XRRA1: variants seen among roughly 807,000 people sequenced by gnomAD.
The protein encoded by XRRA1 is X-ray radiation resistance associated 1.
In XRRA1, 69 loss-of-function variants were observed where a neutral mutation model predicts 80.2. The ratio of observed to expected loss-of-function variants is 0.86; its 90% confidence interval spans 0.71 to 1.05. The LOEUF (loss-of-function observed/expected upper bound fraction) is 1.05, where lower values mean the gene tolerates loss of function less well. XRRA1 is among the 50% of genes least tolerant of loss of function. XRRA1 has a pLI of 0.00. For synonymous variants in XRRA1, 348 were observed against 389.9 expected, an observed-to-expected ratio of 0.89 and a Z score of 1.27; for missense variants, 967 against 976.4, an observed-to-expected ratio of 0.99 and a Z score of 0.13.
chr11:74,859,271 ATATCTTG>A lies in XRRA1; in HGVS notation c.1050_1056del (p.Lys351ValfsTer12), dbSNP rs1474717823. On this transcript the variant is annotated frameshift_variant, in exon 12 of 19. Coordinates refer to ENST00000684022, the MANE Select transcript of XRRA1 (RefSeq NM_001378157.1). LOFTEE classifies it high-confidence loss of function. Reference sequence around the variant, plus strand: ...ATCTCGAATATGGGAGGAAGTGAACATATCTTGGTTGTCTTAGAAAGAAGGAAAAGTC... The same window carrying A: ...ATCTCGAATATGGGAGGAAGTGAACAGTTGTCTTAGAAAGAAGGAAAAGTC... 1 of 1,606,010 alleles carries A rather than the reference ATATCTTG, an allele frequency of 6.2e-7. No individual in the cohort carries two copies. Among genetic ancestry groups the A allele is most frequent in the East Asian group, 2.2e-5 (1 of 44,708 alleles).
In XRRA1 at chr11:74,930,051, G is replaced by GA. The variant is rs536610996; in HGVS notation, c.424+248dup. ...CCTGCAAGGTATCCTGCAAGGGGAG[G>GA]AAAAAAAGAAGGGAATTATCTCCAT... is the stretch of plus-strand genomic sequence containing the variant. On this transcript the variant is annotated intron_variant, in intron 6 of 18. Transcript: ENST00000684022. Among the ~76,000 whole-genome samples the GA allele has an allele frequency of 1.4e-4, 21 of 151,866 alleles. No individual in the cohort carries two copies. In the East Asian group the frequency reaches 2.9e-3, roughly 21 times the overall value.
rs574790300 is a variant in XRRA1, at chr11:74,868,858, T to C, written c.1004-5837A>G. Among the ~76,000 whole-genome samples, 24 of 152,182 alleles carry C rather than the reference T, an allele frequency of 1.6e-4. No individual in the cohort carries two copies. The South Asian group carries it at 5.0e-3, about 32-fold the overall frequency. On this transcript the variant is annotated intron_variant, in intron 10 of 18. Transcript: ENST00000684022. ...ACCCAGATTCAAAAAGCAAGTTGCT[T>C]TTAGAGACATATAAAGAGACTTGGA...
chr11:74,867,522 A>G (rs1040301352), intron 10 of XRRA1, among the ~76,000 whole-genome samples: 2 of 152,200 alleles, frequency 1.3e-5, no homozygotes, highest in Non-Finnish European at 2.9e-5. Context: ...TCAGACCAAA[A>G]TAAAAAAATA....
At chr11:74,865,936 G>A (rs2043303642) in intron 10 of XRRA1, among the ~76,000 whole-genome samples, 3 of 141,502 alleles carry the variant, frequency 2.1e-5, no homozygotes, top group African/African-American at 7.8e-5. Flanking sequence ...TTAGACCATC[G>A]CTCAGTGCTG....
chr11:74,878,629 T>C (rs1445675917), intron 10 of XRRA1, among the ~76,000 whole-genome samples: 2 of 149,874 alleles, frequency 1.3e-5, no homozygotes, highest in Non-Finnish European at 3.0e-5. Context: ...CCATCTTGAA[T>C]TGATTTTTGT....
At chr11:74,894,193 A>C (rs1464771059) in intron 10 of XRRA1, among the ~76,000 whole-genome samples, 1 of 152,202 alleles carries the variant, frequency 6.6e-6, no homozygotes, top group East Asian at 1.9e-4. Context: ...TCTCACTTGT[A>C]AGTGGGAGCT....
intron 1 of XRRA1, among the ~76,000 whole-genome samples, chr11:74,946,570 A>C (rs563901967): frequency 7.9e-5 from 12 of 152,116 alleles, no homozygotes; most frequent in Non-Finnish European, 1.3e-4. Flanking sequence ...GAGTCAATTA[A>C]ACCTCTTTCC....
chr11:74,917,516 T>A (rs1432731109), intron 8 of XRRA1, among the ~76,000 whole-genome samples: 1 of 152,174 alleles, frequency 6.6e-6, no homozygotes, highest in Non-Finnish European at 1.5e-5. Context: ...TCCTACTCCA[T>A]CATCTTCCCA....
At chr11:74,859,833 G>T (rs947626515) in intron 11 of XRRA1, among the ~76,000 whole-genome samples, 2 of 152,064 alleles carry the variant, frequency 1.3e-5, no homozygotes, top group Non-Finnish European at 2.9e-5. Context: ...CAACCTGCCC[G>T]TGGGAGCTGA....
In XRRA1 at chr11:74,843,244, C is replaced by T. The variant is rs1173346890; in HGVS notation, c.2359G>A (p.Asp787Asn). 7 of 1,564,694 alleles carry T rather than the reference C, an allele frequency of 4.5e-6. No individual in the cohort carries two copies. In the Admixed American group the frequency reaches 1.1e-4, roughly 26 times the overall value. The change falls in exon 19 of 19, where the codon GAT becomes AAT. Residue 787 changes from aspartate to asparagine, a missense_variant. Transcript: ENST00000684022. Reference protein sequence around the residue: ...PKFGHFLEFMDEFCQEPTASD... With the variant: ...PKFGHFLEFMNEFCQEPTASD... ...GCTGTGGGCTCCTGGCAGAACTCAT[C>T]CATGAACTCGAGGAAGTGGCCGAAC...
chr11:74,861,544 C>A (rs900769877), intron 11 of XRRA1, among the ~76,000 whole-genome samples: 2 of 144,456 alleles, frequency 1.4e-5, no homozygotes, highest in East Asian at 4.2e-4. Context: ...AAGCTCAAGG[C>A]TCCCACTGAT....
chr11:74,846,144 G>C (rs1445790227), intron 15 of XRRA1: 1 of 152,166 alleles, frequency 6.6e-6, no homozygotes, highest in Non-Finnish European at 1.5e-5. Context: ...CTGATCAGTA[G>C]TGGGATGGTG....
intron 10 of XRRA1, among the ~76,000 whole-genome samples, chr11:74,882,951 C>T (rs1330621314): frequency 6.6e-6 from 1 of 152,218 alleles, no homozygotes; most frequent in Non-Finnish European, 1.5e-5. Context: ...GCAGAGGTTA[C>T]TGCTGTCTTT....
chr11:74,882,111 T>C (rs536056881), intron 10 of XRRA1, among the ~76,000 whole-genome samples: 2 of 152,052 alleles, frequency 1.3e-5, no homozygotes, highest in Admixed American at 6.6e-5. Flanking sequence ...GTTTTCCAAC[T>C]TGGTTCCATT....
intron 7 of XRRA1, 66 bp from the exon 8 acceptor site, chr11:74,921,413 T>A (rs1940759742): frequency 6.3e-7 from 1 of 1,591,620 alleles, no homozygotes; most frequent in South Asian, 1.1e-5. Context: ...TCATATATGA[T>A]GTGGGAGCTA....
chr11:74,844,847 T>C, intron 16 of XRRA1, among the ~76,000 whole-genome samples: 1 of 152,256 alleles, frequency 6.6e-6, no homozygotes, highest in East Asian at 1.9e-4. Flanking sequence ...CTGAATAAAC[T>C]GTGGCTCCCC....
chr11:74,934,714 G>A (rs1944505576), intron 4 of XRRA1, among the ~76,000 whole-genome samples: 1 of 152,098 alleles, frequency 6.6e-6, no homozygotes, highest in Admixed American at 6.5e-5. Context: ...AACAAGATAA[G>A]GTTAGTGAGA....
intron 9 of XRRA1, 123 bp downstream of exon 9, chr11:74,907,022 A>T: frequency 7.4e-7 from 1 of 1,342,668 alleles, no homozygotes; most frequent in South Asian, 1.4e-5. Context: ...ATGGCCACAC[A>T]GTAGAGATAA....
intron 1 of XRRA1, among the ~76,000 whole-genome samples, chr11:74,946,827 C>T (rs962536804): frequency 2.6e-5 from 4 of 151,862 alleles, no homozygotes; most frequent in African/African-American, 7.3e-5. Flanking sequence ...TCTCAGCTCA[C>T]TGCAAGCTCC....
Sources: allele counts gnomAD v4.1 joint callset (sites outside exome capture counted in the v4.1 genomes callset), GRCh38; gene constraint gnomAD v4.1.1; transcripts MANE v1.5; gene names NCBI Gene and HGNC (gene_info 2026-07-23, HGNC 2026-07-21).